Variants in RBFOX1 observed in about 807,000 individuals in gnomAD.
The protein encoded by RBFOX1 is RNA binding fox-1 homolog 1.
Under a neutral mutation model 57.7 loss-of-function variants are expected in RBFOX1, and 8 were observed. The observed-to-expected ratio is 0.14, with a 90% CI of 0.08 to 0.25. RBFOX1 has a LOEUF of 0.25. Among genes scored for constraint, RBFOX1 ranks in the 10% least tolerant of loss-of-function variants. The pLI is 1.00. For missense variants in RBFOX1, 611 were observed against 548.5 expected, an observed-to-expected ratio of 1.11 and a Z score of -1.14; for synonymous variants, 326 against 222.4, an observed-to-expected ratio of 1.47 and a Z score of -4.15.
At chr16:6,961,503 A>G (rs1480264694) in intron 3 of RBFOX1, among the ~76,000 whole-genome samples, 2 of 152,254 alleles carry the variant, frequency 1.3e-5, no homozygotes, top group East Asian at 3.9e-4. Context: ...TGCAGAAGAA[A>G]GAATCAGAGC....
chr16:5,398,126 C>T (rs1457248707), intron 1 of RBFOX1, among the ~76,000 whole-genome samples: 1 of 152,190 alleles, frequency 6.6e-6, no homozygotes, highest in African/African-American at 2.4e-5. Flanking sequence ...ATCAAGAAAG[C>T]CTTTCCTGAG....
chr16:5,592,845 G>C (rs374788568), intron 2 of RBFOX1, among the ~76,000 whole-genome samples: 2 of 152,158 alleles, frequency 1.3e-5, no homozygotes, highest in African/African-American at 4.8e-5. Flanking sequence ...CAGAGCCCTG[G>C]GGTCAGAACA....
At chr16:6,348,502 A>G (rs1166566096) in intron 2 of RBFOX1, among the ~76,000 whole-genome samples, 3 of 152,148 alleles carry the variant, frequency 2.0e-5, no homozygotes, top group African/African-American at 4.8e-5. Flanking sequence ...TTGCACTGCT[A>G]TAAGGAAATA....
chr16:6,928,466 G>C (rs1020134598), intron 3 of RBFOX1, among the ~76,000 whole-genome samples: 6 of 152,162 alleles, frequency 3.9e-5, no homozygotes, highest in African/African-American at 1.4e-4. Flanking sequence ...CTTGAGGAAA[G>C]AACGTTCAAC....
rs555837038 is a variant in RBFOX1, at chr16:7,699,010, C to T, written c.996-10046C>T. On this transcript the variant is annotated intron_variant, in intron 14 of 15. Transcript: ENST00000550418. Reference sequence around the variant, plus strand: ...GGTTATCAAATTCTAGAAGAATGCACCAAAGTCACCTGGAGAACTTGTTAC... The same window carrying T: ...GGTTATCAAATTCTAGAAGAATGCATCAAAGTCACCTGGAGAACTTGTTAC... Among the ~76,000 whole-genome samples the T allele has an allele frequency of 5.9e-5, 9 of 152,246 alleles. No homozygotes were observed. The South Asian group carries it at 1.7e-3, about 28-fold the overall frequency.
At chr16:6,775,293 G>A (rs1312244502) in intron 3 of RBFOX1, among the ~76,000 whole-genome samples, 8 of 131,662 alleles carry the variant, frequency 6.1e-5, no homozygotes, top group Non-Finnish European at 1.2e-4. Context: ...TCGCGCCACC[G>A]CACTCCAGCC....
intron 2 of RBFOX1, among the ~76,000 whole-genome samples, chr16:5,552,860 G>C (rs79237080): frequency 6.6e-6 from 1 of 151,998 alleles, no homozygotes; most frequent in Non-Finnish European, 1.5e-5. Context: ...AAGGGAGAAG[G>C]TCAGCATGTT....
At chr16:7,293,056 G>C (rs1454615486) in intron 4 of RBFOX1, among the ~76,000 whole-genome samples, 4 of 152,126 alleles carry the variant, frequency 2.6e-5, no homozygotes, top group Non-Finnish European at 5.9e-5. Context: ...TCAAAGTCGA[G>C]GGCACTAGAA....
chr16:6,249,405 A>G (rs955930139), intron 1 of RBFOX1, among the ~76,000 whole-genome samples: 5 of 152,142 alleles, frequency 3.3e-5, no homozygotes, highest in African/African-American at 9.7e-5. Context: ...GGTGCCTGTA[A>G]TCCCAGCTAC....
chr16:6,352,073 G>T (rs2086505615), intron 2 of RBFOX1, among the ~76,000 whole-genome samples: 1 of 152,146 alleles, frequency 6.6e-6, no homozygotes, highest in African/African-American at 2.4e-5. Context: ...TGAGCTGGAG[G>T]TATCACAGAT....
rs192163265 is a variant in RBFOX1, at chr16:5,300,219, G to A, written c.219+60114G>A. On this transcript the variant is annotated intron_variant, in intron 1 of 2. Transcript: ENST00000585867. ...TTTGATTTGCAAATATTTTATTAAAGATTTTTGCATTAACTTTCATGAAGG... is the reference window on the plus strand; with the variant it reads ...TTTGATTTGCAAATATTTTATTAAAAATTTTTGCATTAACTTTCATGAAGG... 2.5e-3 allele frequency among the ~76,000 whole-genome samples: 381 copies of A among 152,210 alleles called. 2 individuals carry two copies. Among genetic ancestry groups the A allele is most frequent in the African/African-American group, 8.6e-3 (356 of 41,536 alleles).
chr16:7,527,125 G>A (rs889562470), intron 5 of RBFOX1, among the ~76,000 whole-genome samples: 2 of 152,074 alleles, frequency 1.3e-5, no homozygotes, highest in Admixed American at 6.6e-5. Context: ...TTGTCTTTTC[G>A]GATGACAGTG....
intron 4 of RBFOX1, among the ~76,000 whole-genome samples, chr16:5,944,188 G>C (rs568007266): frequency 1.3e-5 from 2 of 152,322 alleles, no homozygotes; most frequent in South Asian, 2.1e-4. Context: ...AACGATGTGT[G>C]AACAATGATA....
At chr16:7,249,208 G>C (rs2094422741) in intron 4 of RBFOX1, among the ~76,000 whole-genome samples, 1 of 152,198 alleles carries the variant, frequency 6.6e-6, no homozygotes, top group Non-Finnish European at 1.5e-5. Context: ...ATTTTTAAAT[G>C]TTTTTGCAAG....
intron 3 of RBFOX1, among the ~76,000 whole-genome samples, chr16:6,862,983 T>TAA (rs555165914): frequency 5.4e-4 from 75 of 138,624 alleles, no homozygotes; most frequent in South Asian, 1.6e-3. Context: ...AGACTCTGTC[T>TAA]AAAAAAAAAA....
At chr16:6,560,937 C>T (rs575981901) in intron 2 of RBFOX1, among the ~76,000 whole-genome samples, 13 of 152,290 alleles carry the variant, frequency 8.5e-5, no homozygotes, top group African/African-American at 2.4e-4. Flanking sequence ...AGTTGGCATT[C>T]ATCCCTCAGA....
intron 3 of RBFOX1, among the ~76,000 whole-genome samples, chr16:6,863,294 G>A (rs756485540): frequency 1.3e-5 from 2 of 152,132 alleles, no homozygotes; most frequent in Admixed American, 1.3e-4. Context: ...TGGGAAAAGT[G>A]ATTAGCAGCA....
At chr16:5,535,362 G>A (rs948801270) in intron 2 of RBFOX1, among the ~76,000 whole-genome samples, 3 of 152,202 alleles carry the variant, frequency 2.0e-5, no homozygotes, top group Admixed American at 2.0e-4. Flanking sequence ...ATTTCCAATT[G>A]TAAGCCTGTG....
In RBFOX1 at chr16:7,012,428, A is replaced by C. The variant is rs115725831; in HGVS notation, c.-15-39629A>C. ...TTCTGAGGCCACATGGGTGTGTCAT[A>C]GGCAAGGAGCCTTCAATCATAGATG... is the stretch of plus-strand genomic sequence containing the variant. On this transcript the variant is annotated intron_variant, in intron 3 of 15. Transcript: ENST00000550418. Among the ~76,000 whole-genome samples the C allele has an allele frequency of 7.3e-3, 1,111 of 152,316 alleles. 11 individuals carry two copies. Among genetic ancestry groups the C allele is most frequent in the African/African-American group, 0.022 (910 of 41,574 alleles).
Sources: allele counts gnomAD v4.1 joint callset (sites outside exome capture counted in the v4.1 genomes callset), GRCh38; gene constraint gnomAD v4.1.1; transcripts MANE v1.5; gene names NCBI Gene and HGNC (gene_info 2026-07-23, HGNC 2026-07-21).